PDE4D: variants seen among roughly 807,000 people sequenced by gnomAD.
PDE4D encodes phosphodiesterase 4D, also known as 3',5'-cyclic-AMP phosphodiesterase 4D.
In PDE4D, 24 loss-of-function variants were observed where a neutral mutation model predicts 87.4. The observed-to-expected ratio is 0.27, with a 90% CI of 0.20 to 0.39. PDE4D has a LOEUF of 0.39. Ranked by LOEUF, PDE4D falls within the 10% of genes least tolerant of loss-of-function variation. The pLI, the probability that PDE4D is intolerant of heterozygous loss-of-function variation, is 1.00. For missense variants in PDE4D, 714 were observed against 1,041.0 expected, an observed-to-expected ratio of 0.69 and a Z score of 4.32; for synonymous variants, 384 against 383.2, an observed-to-expected ratio of 1.00 and a Z score of -0.02.
chr5:59,695,675 C>T (rs904725171), intron 1 of PDE4D, among the ~76,000 whole-genome samples: 1 of 152,116 alleles, frequency 6.6e-6, no homozygotes, highest in Non-Finnish European at 1.5e-5. Context: ...AAACACAGTT[C>T]GCTGCAGCCT....
chr5:60,484,929 T>C (rs969963954), intron 1 of PDE4D, among the ~76,000 whole-genome samples: 2 of 152,160 alleles, frequency 1.3e-5, no homozygotes, highest in Non-Finnish European at 2.9e-5. Context: ...CCAGAACATA[T>C]ATCATTATTT....
intron 1 of PDE4D, among the ~76,000 whole-genome samples, chr5:60,448,123 T>C (rs1449246012): frequency 6.6e-6 from 1 of 152,136 alleles, no homozygotes; most frequent in Non-Finnish European, 1.5e-5. Flanking sequence ...TTGGAACATT[T>C]ACATCTGTTC....
At chr5:59,200,702 T>C (rs1974836) in intron 2 of PDE4D, among the ~76,000 whole-genome samples, 3,733 of 91,654 alleles carry the variant, frequency 0.041, 246 homozygotes, top group African/African-American at 0.057. Context: ...TGTGTATGTA[T>C]AGATACACGT....
At chr5:60,274,660 C>T (rs953140544) in intron 1 of PDE4D, among the ~76,000 whole-genome samples, 11 of 152,156 alleles carry the variant, frequency 7.2e-5, no homozygotes, top group African/African-American at 1.2e-4. Flanking sequence ...CATGTCCAGC[C>T]GGATTATCAC....
At chr5:58,986,349 C>T (rs971855143) in intron 11 of PDE4D, among the ~76,000 whole-genome samples, 2 of 152,162 alleles carry the variant, frequency 1.3e-5, no homozygotes, top group African/African-American at 2.4e-5. Flanking sequence ...TGCACAGGGA[C>T]CCTGATGCCA....
intron 1 of PDE4D, among the ~76,000 whole-genome samples, chr5:59,752,223 T>G (rs1319347970): frequency 1.3e-5 from 2 of 152,204 alleles, no homozygotes; most frequent in African/African-American, 4.8e-5. Flanking sequence ...AGCTTCTAGA[T>G]TTCAATAGGC....
chr5:59,995,207 C>T (rs996823293), intron 2 of PDE4D, among the ~76,000 whole-genome samples: 42 of 152,128 alleles, frequency 2.8e-4, no homozygotes, highest in African/African-American at 9.9e-4. Context: ...TCTGCTTCTC[C>T]AGTCATTTTC....
chr5:59,217,044 G>T (rs1287726670), intron 1 of PDE4D, among the ~76,000 whole-genome samples: 1 of 152,094 alleles, frequency 6.6e-6, no homozygotes, highest in Non-Finnish European at 1.5e-5. Flanking sequence ...TGAATAAAAG[G>T]CACTGTGCTC....
intron 3 of PDE4D, among the ~76,000 whole-genome samples, chr5:59,954,734 C>T (rs1758656665): frequency 1.3e-5 from 2 of 152,114 alleles, no homozygotes; most frequent in South Asian, 4.1e-4. Context: ...CACAAGAATG[C>T]CATGTATGTG....
At chr5:59,167,158 C>T (rs1367127341) in intron 5 of PDE4D, among the ~76,000 whole-genome samples, 1 of 152,144 alleles carries the variant, frequency 6.6e-6, no homozygotes, top group Non-Finnish European at 1.5e-5. Context: ...AGATCTAACA[C>T]ATCGGCGTGA....
chr5:59,812,762 C>T (rs1051982657), intron 1 of PDE4D, among the ~76,000 whole-genome samples: 2 of 152,152 alleles, frequency 1.3e-5, no homozygotes, highest in Admixed American at 6.5e-5. Context: ...ATTCCTACAG[C>T]CAATGCAATG....
At chr5:60,227,590 A>AG (rs1745270558) in intron 1 of PDE4D, among the ~76,000 whole-genome samples, 1 of 101,256 alleles carries the variant, frequency 9.9e-6, no homozygotes, top group African/African-American at 3.8e-5. Flanking sequence ...GAAAGGAGGA[A>AG]GGGGGAGAGA....
chr5:59,056,505 C>T (rs535294668), intron 5 of PDE4D, among the ~76,000 whole-genome samples: 1 of 152,172 alleles, frequency 6.6e-6, no homozygotes, highest in South Asian at 2.1e-4. Flanking sequence ...CATAGGTATA[C>T]ATGTGCTATG....
intron 1 of PDE4D, among the ~76,000 whole-genome samples, chr5:59,597,527 AAG>A (rs746518336): frequency 1.3e-4 from 19 of 150,926 alleles, no homozygotes; most frequent in East Asian, 1.9e-4. Context: ...GAGAGAGAGA[AAG>A]AGAGAGAGAG....
chr5:58,979,201 T>C (rs1744519912), intron 11 of PDE4D, among the ~76,000 whole-genome samples: 1 of 152,156 alleles, frequency 6.6e-6, no homozygotes, highest in Non-Finnish European at 1.5e-5. Flanking sequence ...TGAGTTCTAC[T>C]GGATATAAGT....
At chr5:60,029,080 GTTAT>G (rs1561997178) in intron 2 of PDE4D, among the ~76,000 whole-genome samples, 3 of 152,022 alleles carry the variant, frequency 2.0e-5, no homozygotes, top group Non-Finnish European at 4.4e-5. Flanking sequence ...TTTTGTTTTT[GTTAT>G]TTATTTATTT....
chr5:60,197,089 A>AT (rs1741353630), intron 1 of PDE4D, among the ~76,000 whole-genome samples: 2 of 125,720 alleles, frequency 1.6e-5, no homozygotes, highest in African/African-American at 5.8e-5. Context: ...AGATAGATAG[A>AT]TAGATAGATA....
intron 2 of PDE4D, among the ~76,000 whole-genome samples, chr5:60,166,149 C>T (rs1782879017): frequency 6.6e-6 from 1 of 152,146 alleles, no homozygotes; most frequent in South Asian, 2.1e-4. Context: ...GGCTGGAGTG[C>T]AGTGGCACGA....
intron 3 of PDE4D, among the ~76,000 whole-genome samples, chr5:59,949,164 G>T (rs962815187): frequency 1.3e-5 from 2 of 152,214 alleles, no homozygotes; most frequent in African/African-American, 4.8e-5. Flanking sequence ...GGGCGCGGTG[G>T]CTCATGCCTG....
Sources: gnomAD v4.1 joint callset for allele counts (sites outside exome capture counted in the v4.1 genomes callset) on GRCh38, gnomAD v4.1.1 for gene constraint, MANE v1.5 for transcripts, NCBI Gene and HGNC (gene_info 2026-07-23, HGNC 2026-07-21) for gene names.